Variants in ZFHX3 observed in about 807,000 individuals in gnomAD.
ZFHX3 encodes zinc finger homeobox 3.
In ZFHX3, 42 loss-of-function variants were observed where a neutral mutation model predicts 279.1. The observed-to-expected ratio is 0.15, with a 90% CI of 0.12 to 0.19. The LOEUF (loss-of-function observed/expected upper bound fraction) is 0.19, where lower values mean the gene tolerates loss of function less well. ZFHX3 is among the 10% of genes least tolerant of loss of function. ZFHX3 has a pLI of 1.00. For synonymous variants in ZFHX3, 2,293 were observed against 1,957.8 expected, an observed-to-expected ratio of 1.17 and a Z score of -4.52; for missense variants, 4,981 against 4,754.0, an observed-to-expected ratio of 1.05 and a Z score of -1.40.
intron 2 of ZFHX3, among the ~76,000 whole-genome samples, chr16:73,481,351 C>G (rs1178704775): frequency 6.6e-6 from 1 of 151,646 alleles, no homozygotes; most frequent in Non-Finnish European, 1.5e-5. Flanking sequence ...AGAACAAAGT[C>G]CTAAATCCAG....
intron 2 of ZFHX3, among the ~76,000 whole-genome samples, chr16:73,473,369 A>AAC (rs2018709352): frequency 2.6e-5 from 4 of 151,058 alleles, no homozygotes; most frequent in Non-Finnish European, 5.9e-5. Flanking sequence ...AAAAAAAAAA[A>AAC]AAACAAAATA....
intron 5 of ZFHX3, among the ~76,000 whole-genome samples, chr16:73,248,179 C>T (rs1031024928): frequency 7.0e-6 from 1 of 142,430 alleles, no homozygotes; most frequent in Admixed American, 7.0e-5. Flanking sequence ...AGTGTGTGTG[C>T]GTACTGTGTA....
chr16:73,641,970 G>A (rs1441260181), intron 2 of ZFHX3, among the ~76,000 whole-genome samples: 2 of 151,956 alleles, frequency 1.3e-5, no homozygotes, highest in South Asian at 2.1e-4. Context: ...GGATGGAGAC[G>A]CTGGTCCACA....
intron 3 of ZFHX3, among the ~76,000 whole-genome samples, chr16:73,427,434 A>C (rs1222426957): frequency 6.6e-6 from 1 of 152,076 alleles, no homozygotes; most frequent in Non-Finnish European, 1.5e-5. Context: ...CCTGCCACCC[A>C]GCTCGCTAAC....
chr16:73,486,830 T>TCTGCAC (rs1268837539), intron 2 of ZFHX3: 16 of 456,058 alleles, frequency 3.5e-5, no homozygotes, highest in Middle Eastern at 3.3e-4. Context: ...CACTCTGCAC[T>TCTGCAC]TTAGGGTCTC....
chr16:73,115,590 C>T (rs1225223755), intron 7 of ZFHX3, among the ~76,000 whole-genome samples: 1 of 152,042 alleles, frequency 6.6e-6, no homozygotes, highest in Non-Finnish European at 1.5e-5. Flanking sequence ...CAGCATCTCC[C>T]ACCTTCTAGC....
chr16:73,586,876 A>T (rs532854404), intron 2 of ZFHX3, among the ~76,000 whole-genome samples: 147 of 152,322 alleles, frequency 9.7e-4, no homozygotes, highest in African/African-American at 3.4e-3. Flanking sequence ...ATTCTATTAT[A>T]GTCTGTTTAG....
chr16:73,367,938 A>C (rs1317227720), intron 3 of ZFHX3, among the ~76,000 whole-genome samples: 2 of 146,144 alleles, frequency 1.4e-5, no homozygotes, highest in South Asian at 2.1e-4. Context: ...GCATGGTCTC[A>C]GCTCACTGCA....
chr16:73,717,830 CG>C (rs1567560481), intron 1 of ZFHX3, among the ~76,000 whole-genome samples: 1 of 152,102 alleles, frequency 6.6e-6, no homozygotes, highest in East Asian at 1.9e-4. Context: ...GTTCCAGAGG[CG>C]GACATTGTGC....
chr16:73,458,648 G>T (rs1030224893), intron 2 of ZFHX3, among the ~76,000 whole-genome samples: 9 of 152,036 alleles, frequency 5.9e-5, no homozygotes, highest in Non-Finnish European at 1.3e-4. Flanking sequence ...TTAGACCCCT[G>T]CTTTTTGTCT....
chr16:73,113,792 A>ACT (rs1966403912), intron 7 of ZFHX3, among the ~76,000 whole-genome samples: 2 of 54,714 alleles, frequency 3.7e-5, no homozygotes, highest in African/African-American at 1.5e-4. Flanking sequence ...TTTTTTGGAA[A>ACT]CTTTTTTTTT....
chr16:73,845,392 C>T (rs1306082315), intron 1 of ZFHX3, among the ~76,000 whole-genome samples: 1 of 152,094 alleles, frequency 6.6e-6, no homozygotes, highest in Non-Finnish European at 1.5e-5. Context: ...ACAAGAAGCA[C>T]CTTCCTTCCT....
intron 1 of ZFHX3, among the ~76,000 whole-genome samples, chr16:73,771,447 C>A (rs2054016808): frequency 6.6e-6 from 1 of 152,198 alleles, no homozygotes; most frequent in Admixed American, 6.5e-5. Flanking sequence ...CCACATGAAA[C>A]TTCTAAACTC....
intron 4 of ZFHX3, among the ~76,000 whole-genome samples, chr16:73,302,069 C>T (rs768011608): frequency 4.6e-5 from 7 of 151,978 alleles, no homozygotes; most frequent in Non-Finnish European, 7.4e-5. Flanking sequence ...AAAAAAAAAT[C>T]CCCTTTTATT....
chr16:72,894,470 C>A (rs539392558), intron 3 of ZFHX3, among the ~76,000 whole-genome samples: 7 of 152,304 alleles, frequency 4.6e-5, no homozygotes, highest in African/African-American at 1.4e-4. Flanking sequence ...CCAAGTGGCA[C>A]TGGCCTCATC....
chr16:72,921,981 C>T (rs1287486212), intron 3 of ZFHX3, among the ~76,000 whole-genome samples: 1 of 152,238 alleles, frequency 6.6e-6, no homozygotes, highest in Non-Finnish European at 1.5e-5. Flanking sequence ...ACAGCTCCCA[C>T]ACCAAACTCC....
chr16:73,621,148 G>A (rs1567535023), intron 2 of ZFHX3, among the ~76,000 whole-genome samples: 1 of 152,212 alleles, frequency 6.6e-6, no homozygotes, highest in Admixed American at 6.5e-5. Context: ...GTCATAACAT[G>A]TGTAAGTCTC....
At chr16:73,086,463 G>A (rs1023236562) in intron 8 of ZFHX3, among the ~76,000 whole-genome samples, 1 of 152,138 alleles carries the variant, frequency 6.6e-6, no homozygotes, top group African/African-American at 2.4e-5. Context: ...CCACCTAAGT[G>A]TCCATCAATG....
intron 8 of ZFHX3, among the ~76,000 whole-genome samples, chr16:73,091,116 CA>C (rs907202531): frequency 1.3e-5 from 2 of 149,180 alleles, no homozygotes; most frequent in South Asian, 2.1e-4. Flanking sequence ...GAGGCTGAGG[CA>C]AAAGAATGGC....
Sources: gnomAD v4.1 joint callset for allele counts (sites outside exome capture counted in the v4.1 genomes callset) on GRCh38, gnomAD v4.1.1 for gene constraint, MANE v1.5 for transcripts, NCBI Gene and HGNC (gene_info 2026-07-23, HGNC 2026-07-21) for gene names.